RABGAP1L: variants seen among roughly 807,000 people sequenced by gnomAD.
RABGAP1L encodes the protein RAB GTPase activating protein 1 like.
RABGAP1L carries 63 observed loss-of-function variants against 137.7 expected under a neutral mutation model. The ratio of observed to expected loss-of-function variants is 0.46; its 90% CI spans 0.37 to 0.56. The LOEUF (loss-of-function observed/expected upper bound fraction) is 0.56, where lower values mean the gene tolerates loss of function less well. RABGAP1L is among the 20% of genes least tolerant of loss of function. The pLI is 0.00. For missense variants in RABGAP1L, 1,095 were observed against 1,244.0 expected, an observed-to-expected ratio of 0.88 and a Z score of 1.80; for synonymous variants, 431 against 433.7, an observed-to-expected ratio of 0.99 and a Z score of 0.08.
At chr1:174,429,642 G>A (rs990449128) in intron 13 of RABGAP1L, among the ~76,000 whole-genome samples, 9 of 152,074 alleles carry the variant, frequency 5.9e-5, no homozygotes, top group Admixed American at 2.6e-4. Flanking sequence ...AGGAGGCTGA[G>A]GCAGGAGAAT....
At chr1:174,311,095 T>C (rs1422684037) in intron 11 of RABGAP1L, among the ~76,000 whole-genome samples, 1 of 152,122 alleles carries the variant, frequency 6.6e-6, no homozygotes, top group Non-Finnish European at 1.5e-5. Flanking sequence ...TATTAGTCTG[T>C]TCTCACACTG....
intron 13 of RABGAP1L, among the ~76,000 whole-genome samples, chr1:174,514,938 T>C (rs1285592351): frequency 6.6e-6 from 1 of 152,188 alleles, no homozygotes; most frequent in Non-Finnish European, 1.5e-5. Flanking sequence ...ACATTTTCCA[T>C]ATTAGAAGTC....
intron 15 of RABGAP1L, among the ~76,000 whole-genome samples, chr1:174,688,219 C>T (rs1266758823): frequency 6.6e-6 from 1 of 152,000 alleles, no homozygotes; most frequent in Non-Finnish European, 1.5e-5. Context: ...GATTATATTT[C>T]ACTTACTCTA....
At chr1:174,279,374 T>G (rs1675291896) in intron 10 of RABGAP1L, among the ~76,000 whole-genome samples, 1 of 152,214 alleles carries the variant, frequency 6.6e-6, no homozygotes, top group African/African-American at 2.4e-5. Flanking sequence ...ACTTGAATGC[T>G]AATTGTGTGA....
At chr1:174,272,256 C>G (rs1223606371) in intron 7 of RABGAP1L, among the ~76,000 whole-genome samples, 158 bp from the exon 8 acceptor site, 1 of 151,756 alleles carries the variant, frequency 6.6e-6, no homozygotes, top group Non-Finnish European at 1.5e-5. Context: ...TATTATCTAT[C>G]TTCATAAATA....
chr1:174,612,615 A>G (rs1220650656), intron 13 of RABGAP1L, among the ~76,000 whole-genome samples: 1 of 152,264 alleles, frequency 6.6e-6, no homozygotes, highest in Admixed American at 6.5e-5. Context: ...TGATTGGAAT[A>G]GTTTCAGAAG....
chr1:174,659,624 C>T (rs1445865007), intron 14 of RABGAP1L, among the ~76,000 whole-genome samples: 1 of 152,166 alleles, frequency 6.6e-6, no homozygotes, highest in Non-Finnish European at 1.5e-5. Context: ...AGTCTCATGG[C>T]TTTAAATACC....
chr1:174,710,678 A>G (rs1680410474), intron 17 of RABGAP1L, among the ~76,000 whole-genome samples: 2 of 152,352 alleles, frequency 1.3e-5, no homozygotes, highest in South Asian at 4.1e-4. Context: ...TGAAGGAAGC[A>G]CTAAATATGG....
intron 14 of RABGAP1L, among the ~76,000 whole-genome samples, chr1:174,648,274 C>G (rs967612292): frequency 2.6e-5 from 4 of 151,942 alleles, no homozygotes; most frequent in Non-Finnish European, 5.9e-5. Flanking sequence ...TCTTGCTTCC[C>G]TAGTTCTTTT....
intron 11 of RABGAP1L, among the ~76,000 whole-genome samples, chr1:174,311,303 C>T (rs997702779): frequency 2.6e-4 from 39 of 152,280 alleles, no homozygotes; most frequent in African/African-American, 9.1e-4. Context: ...CATCAGATGT[C>T]ATGAGAATTC....
intron 13 of RABGAP1L, among the ~76,000 whole-genome samples, chr1:174,608,959 AT>A (rs1345242659): frequency 6.6e-6 from 1 of 152,094 alleles, no homozygotes; most frequent in Non-Finnish European, 1.5e-5. Flanking sequence ...AATATTCTCT[AT>A]TTTTCATAAT....
intron 13 of RABGAP1L, among the ~76,000 whole-genome samples, chr1:174,611,638 A>G (rs970824716): frequency 7.3e-5 from 11 of 150,958 alleles, no homozygotes; most frequent in Non-Finnish European, 1.5e-4. Context: ...TCTATAAATT[A>G]CCTTGGGCAG....
chr1:174,278,983 T>TA, intron 10 of RABGAP1L, among the ~76,000 whole-genome samples: 1 of 152,290 alleles, frequency 6.6e-6, no homozygotes, highest in East Asian at 1.9e-4. Context: ...GTTTAATAAT[T>TA]ACATACTTTT....
chr1:174,190,267 C>T (rs1261455012), intron 1 of RABGAP1L, among the ~76,000 whole-genome samples: 1 of 144,290 alleles, frequency 6.9e-6, no homozygotes, highest in Non-Finnish European at 1.5e-5. Flanking sequence ...CACACCACTG[C>T]ACTCCACCCT....
At chr1:174,163,611 TAAA>T (rs36027110) in intron 1 of RABGAP1L, among the ~76,000 whole-genome samples, 1 of 142,612 alleles carries the variant, frequency 7.0e-6, no homozygotes. Flanking sequence ...CTGTTGGGCT[TAAA>T]AAAAAAAAAA....
Position 174,957,549 on chromosome 1 carries a change from G to A in RABGAP1L, c.2433G>A (p.Lys811=), listed in dbSNP as rs148197893. The A allele has an allele frequency of 1.3e-5, 21 of 1,597,040 alleles. No individual in the cohort carries two copies. Among genetic ancestry groups the A allele is most frequent in the Non-Finnish European group, 1.8e-5 (21 of 1,164,776 alleles). The change falls in exon 20 of 26, where the codon AAG becomes AAA. Residue 811 remains lysine, a splice_region_variant and synonymous_variant. Coordinates refer to ENST00000681986, the MANE Select transcript of RABGAP1L (RefSeq NM_001366446.1). ...LQQEDPMDRY[K]RENRRLQEAS... ...AGGAAGACCCAATGGATAGATACAAGGTATGAGAAATATGTTGCACCTATC... is the reference window on the plus strand; with the variant it reads ...AGGAAGACCCAATGGATAGATACAAAGTATGAGAAATATGTTGCACCTATC...
At chr1:174,183,691 A>G (rs747388415) in intron 1 of RABGAP1L, among the ~76,000 whole-genome samples, 27 of 152,184 alleles carry the variant, frequency 1.8e-4, no homozygotes, top group Non-Finnish European at 3.5e-4. Flanking sequence ...TGACAAATGT[A>G]TAGTGACGTG....
At chr1:174,573,316 G>C (rs1252170334) in intron 13 of RABGAP1L, among the ~76,000 whole-genome samples, 1 of 150,984 alleles carries the variant, frequency 6.6e-6, no homozygotes, top group Non-Finnish European at 1.5e-5. Flanking sequence ...TATATAATTT[G>C]TGTGTGTGTG....
chr1:174,491,400 C>T (rs1660217012), intron 13 of RABGAP1L, among the ~76,000 whole-genome samples: 3 of 151,998 alleles, frequency 2.0e-5, no homozygotes, highest in Admixed American at 6.6e-5. Flanking sequence ...GGTCTCACAA[C>T]ATTGTCTGGT....
Sources: gnomAD v4.1 joint callset for allele counts (sites outside exome capture counted in the v4.1 genomes callset) on GRCh38, gnomAD v4.1.1 for gene constraint, MANE v1.5 for transcripts, NCBI Gene and HGNC (gene_info 2026-07-23, HGNC 2026-07-21) for gene names.